Variants in VWC2 observed in about 807,000 individuals in gnomAD.
VWC2 encodes von Willebrand factor C domain containing 2, also known as brorin.
A neutral mutation model predicts 29.8 loss-of-function variants in VWC2; 14 were observed. That is an observed-to-expected ratio of 0.47 (90% CI 0.31 to 0.74). The LOEUF is 0.74. VWC2 is among the 30% of genes least tolerant of loss of function. The probability of loss-of-function intolerance (pLI) is 0.05; values close to 1 mark genes in which losing one functional copy is unlikely to be tolerated. For synonymous variants in VWC2, 213 were observed against 199.0 expected, an observed-to-expected ratio of 1.07 and a Z score of -0.59; for missense variants, 457 against 459.8, an observed-to-expected ratio of 0.99 and a Z score of 0.05.
intron 3 of VWC2, among the ~76,000 whole-genome samples, chr7:49,856,587 A>C (rs1790425482): frequency 6.6e-6 from 1 of 152,216 alleles, no homozygotes; most frequent in South Asian, 2.1e-4. Context: ...GTATATAAAA[A>C]ACTTCACACA....
intron 2 of VWC2, among the ~76,000 whole-genome samples, chr7:49,799,738 T>C (rs182178610): frequency 5.6e-4 from 85 of 152,374 alleles, no homozygotes; most frequent in South Asian, 4.8e-3. Flanking sequence ...GTGAACATCA[T>C]AAAGTGAACT....
chr7:49,797,530 A>G (rs946173164), intron 2 of VWC2, among the ~76,000 whole-genome samples: 3 of 152,206 alleles, frequency 2.0e-5, no homozygotes, highest in African/African-American at 7.2e-5. Flanking sequence ...TGTGAAAGCA[A>G]TGTGGATGAG....
intron 3 of VWC2, among the ~76,000 whole-genome samples, chr7:49,817,479 T>C (rs1405972089): frequency 6.6e-6 from 1 of 152,168 alleles, no homozygotes; most frequent in Non-Finnish European, 1.5e-5. Flanking sequence ...GCCCAATCTG[T>C]CTCCGTCTCC....
intron 3 of VWC2, among the ~76,000 whole-genome samples, chr7:49,814,495 G>A (rs1789088726): frequency 6.6e-6 from 1 of 152,122 alleles, no homozygotes; most frequent in African/African-American, 2.4e-5. Context: ...AATTTAAAAT[G>A]GCCCTTTTGC....
At chr7:49,853,720 AT>A (rs907846087) in intron 3 of VWC2, among the ~76,000 whole-genome samples, 17 of 151,794 alleles carry the variant, frequency 1.1e-4, no homozygotes, top group Non-Finnish European at 2.5e-4. Flanking sequence ...TTAATTTTTT[AT>A]TTTTTTATTA....
At chr7:49,902,783 T>C (rs1217893787) in intron 3 of VWC2, among the ~76,000 whole-genome samples, 1 of 152,122 alleles carries the variant, frequency 6.6e-6, no homozygotes, top group Non-Finnish European at 1.5e-5. Context: ...TAAAATTTTT[T>C]TGAAATATAA....
intron 2 of VWC2, among the ~76,000 whole-genome samples, chr7:49,790,615 G>A (rs1788444474): frequency 6.6e-6 from 1 of 152,094 alleles, no homozygotes. Flanking sequence ...AAAGTAGAGA[G>A]GGGCAGGGAG....
At chr7:49,789,186 G>A (rs1788397663) in intron 2 of VWC2, among the ~76,000 whole-genome samples, 1 of 146,246 alleles carries the variant, frequency 6.8e-6, no homozygotes, top group Admixed American at 6.8e-5. Flanking sequence ...CATGTGTGTG[G>A]GTGCATGTGT....
intron 3 of VWC2, 111 bp from the exon 4 acceptor site, chr7:49,911,923 G>GCACACACACACACACACACACACACACA (rs10639154): frequency 3.0e-6 from 1 of 327,892 alleles, no homozygotes; most frequent in African/African-American, 2.3e-5. Context: ...ACAAATACAC[G>GCACACACACACACACACACACACACACA]CACACACACA....
At position 49,875,242 on chromosome 7, in the gene VWC2, C is replaced by T. The variant is rs186850665; in HGVS notation, c.827-36792C>T. ...AAAATTAGCTGGGCATGGTGGCATG[C>T]GCCTTTAGTCCCAGCTACTCAGGAG... On this transcript the variant is annotated intron_variant, in intron 3 of 3. Transcript: ENST00000340652. 5.3e-5 allele frequency among the ~76,000 whole-genome samples: 8 copies of T among 151,126 alleles called. No homozygotes were observed. In the East Asian group the frequency reaches 7.8e-4, roughly 15 times the overall value.
At chr7:49,860,296 T>G (rs1790597965) in intron 3 of VWC2, among the ~76,000 whole-genome samples, 1 of 152,234 alleles carries the variant, frequency 6.6e-6, no homozygotes, top group African/African-American at 2.4e-5. Flanking sequence ...GAATCTAATT[T>G]ATGTCTCTAA....
chr7:49,885,159 CA>C (rs1791843203), intron 3 of VWC2, among the ~76,000 whole-genome samples: 1 of 151,998 alleles, frequency 6.6e-6, no homozygotes, highest in Non-Finnish European at 1.5e-5. Context: ...TAGAATCCTT[CA>C]AAAAGCACAT....
chr7:49,902,972 C>T (rs1170661092), intron 3 of VWC2, among the ~76,000 whole-genome samples: 4 of 151,920 alleles, frequency 2.6e-5, no homozygotes, highest in African/African-American at 4.8e-5. Context: ...ATGAAGAGTC[C>T]TTTCACAGAT....
chr7:49,798,781 G>A (rs1308452382), intron 2 of VWC2, among the ~76,000 whole-genome samples: 1 of 152,182 alleles, frequency 6.6e-6, no homozygotes. Context: ...CGTGGGCATT[G>A]GGGTTTGTGT....
At chr7:49,780,881 G>A (rs1397347156) in intron 2 of VWC2, among the ~76,000 whole-genome samples, 2 of 152,036 alleles carry the variant, frequency 1.3e-5, no homozygotes, top group African/African-American at 2.4e-5. Flanking sequence ...TAACCCCACT[G>A]CAAAATCTTA....
chr7:49,862,099 C>T (rs928766137), intron 3 of VWC2, among the ~76,000 whole-genome samples: 2 of 152,138 alleles, frequency 1.3e-5, no homozygotes, highest in Non-Finnish European at 2.9e-5. Flanking sequence ...ATTAAGTCTT[C>T]CAAGCCATGA....
intron 3 of VWC2, among the ~76,000 whole-genome samples, chr7:49,896,963 T>G (rs2128732902): frequency 6.9e-6 from 1 of 144,982 alleles, no homozygotes; most frequent in Non-Finnish European, 1.5e-5. Context: ...TGGCGCAATC[T>G]CGGCTCACTG....
At chr7:49,844,172 C>T (rs771449757) in intron 3 of VWC2, among the ~76,000 whole-genome samples, 3 of 152,154 alleles carry the variant, frequency 2.0e-5, no homozygotes, top group East Asian at 3.9e-4. Context: ...TCTGCTCAGA[C>T]GGGAATCGCA....
intron 3 of VWC2, among the ~76,000 whole-genome samples, chr7:49,886,073 G>T: frequency 6.6e-6 from 1 of 152,248 alleles, no homozygotes; most frequent in Non-Finnish European, 1.5e-5. Context: ...GGAGATAGGG[G>T]AGAGGTCCAG....
Sources: gnomAD v4.1 joint callset for allele counts (sites outside exome capture counted in the v4.1 genomes callset) on GRCh38, gnomAD v4.1.1 for gene constraint, MANE v1.5 for transcripts, NCBI Gene and HGNC (gene_info 2026-07-23, HGNC 2026-07-21) for gene names.